SCFD2: variants seen among roughly 807,000 people sequenced by gnomAD.
The protein encoded by SCFD2 is sec1 family domain containing 2.
SCFD2 carries 54 observed loss-of-function variants against 58.9 expected under a neutral mutation model. The ratio of observed to expected loss-of-function variants is 0.92; its 90% confidence interval spans 0.74 to 1.15. The LOEUF is 1.15. SCFD2 is among the 50% of genes most tolerant of loss of function. The pLI is 0.00. For missense variants in SCFD2, 805 were observed against 836.6 expected, an observed-to-expected ratio of 0.96 and a Z score of 0.47; for synonymous variants, 321 against 335.9, an observed-to-expected ratio of 0.96 and a Z score of 0.49.
intron 5 of SCFD2, among the ~76,000 whole-genome samples, chr4:53,081,651 T>G (rs1724149553): frequency 6.6e-6 from 1 of 152,202 alleles, no homozygotes; most frequent in African/African-American, 2.4e-5. Flanking sequence ...AGGTTCTCTG[T>G]GTTGATTCTT....
At chr4:53,153,296 G>C (rs753340793) in intron 4 of SCFD2, among the ~76,000 whole-genome samples, 1 of 152,198 alleles carries the variant, frequency 6.6e-6, no homozygotes, top group Non-Finnish European at 1.5e-5. Flanking sequence ...AATCTAGGGG[G>C]AAGCTGCCAA....
chr4:53,237,637 C>T (rs1577878316), intron 4 of SCFD2, among the ~76,000 whole-genome samples: 37 of 113,292 alleles, frequency 3.3e-4, no homozygotes, highest in Admixed American at 8.4e-4. Flanking sequence ...GCTGGCCGGG[C>T]GGGGGGCTGA....
chr4:52,961,598 T>G (rs1250287838), intron 5 of SCFD2, among the ~76,000 whole-genome samples: 1 of 152,012 alleles, frequency 6.6e-6, no homozygotes, highest in Non-Finnish European at 1.5e-5. Flanking sequence ...GCTGAAACAG[T>G]GAGGTGTGGC....
intron 5 of SCFD2, among the ~76,000 whole-genome samples, chr4:53,021,102 C>T (rs1722338618): frequency 6.6e-6 from 1 of 152,126 alleles, no homozygotes; most frequent in South Asian, 2.1e-4. Flanking sequence ...TGACAATATA[C>T]TAATAATGTG....
chr4:53,251,884 A>G (rs36184966), intron 4 of SCFD2, among the ~76,000 whole-genome samples: 146,153 of 149,660 alleles, frequency 0.98, 71,471 homozygotes, highest in Middle Eastern at 1. Context: ...TTCTGGCCAG[A>G]GCAATTAGGC....
chr4:52,887,796 G>T (rs1227604236), intron 7 of SCFD2, among the ~76,000 whole-genome samples: 2 of 152,076 alleles, frequency 1.3e-5, no homozygotes, highest in African/African-American at 4.8e-5. Context: ...GGGAGGAGCA[G>T]GTCAAGAGGA....
chr4:53,297,366 C>T (rs1354024758), intron 3 of SCFD2, among the ~76,000 whole-genome samples: 5 of 152,156 alleles, frequency 3.3e-5, no homozygotes, highest in African/African-American at 1.2e-4. Context: ...CTTCTTGTTG[C>T]AGTGATCCCT....
At chr4:53,226,712 G>T (rs1051748479) in intron 4 of SCFD2, among the ~76,000 whole-genome samples, 1 of 152,060 alleles carries the variant, frequency 6.6e-6, no homozygotes, top group Non-Finnish European at 1.5e-5. Flanking sequence ...ATTTAAATTA[G>T]GGTGATCAGT....
chr4:53,053,098 G>A (rs566689677), intron 5 of SCFD2, among the ~76,000 whole-genome samples: 4 of 152,094 alleles, frequency 2.6e-5, no homozygotes, highest in African/African-American at 4.8e-5. Flanking sequence ...GATGGCACAC[G>A]CTTGTAATCC....
intron 5 of SCFD2, among the ~76,000 whole-genome samples, chr4:53,051,716 G>A (rs1373916745): frequency 6.6e-6 from 1 of 152,162 alleles, no homozygotes; most frequent in East Asian, 1.9e-4. Flanking sequence ...TAGCAATGCT[G>A]TCACTCATTG....
At chr4:53,270,590 C>T (rs1240104613) in intron 4 of SCFD2, among the ~76,000 whole-genome samples, 1 of 152,122 alleles carries the variant, frequency 6.6e-6, no homozygotes, top group Admixed American at 6.5e-5. Context: ...TTCTTGCCCA[C>T]ACAGAAGGCC....
intron 4 of SCFD2, among the ~76,000 whole-genome samples, chr4:53,154,177 G>A (rs1726594312): frequency 6.6e-6 from 1 of 152,078 alleles, no homozygotes; most frequent in African/African-American, 2.4e-5. Flanking sequence ...GTGTTTGTTT[G>A]CATTGCTATA....
At chr4:53,246,636 C>T (rs1288015889) in intron 4 of SCFD2, among the ~76,000 whole-genome samples, 1 of 152,082 alleles carries the variant, frequency 6.6e-6, no homozygotes, top group Non-Finnish European at 1.5e-5. Flanking sequence ...GAATAACTGG[C>T]TAGCAGAAGA....
Position 53,365,238 on chromosome 4 carries a change from T to C in SCFD2, c.704A>G (p.Glu235Gly), listed in dbSNP as rs751555898. The stretch of plus-strand genomic sequence containing the variant: ...ACTTAAGGAACCTACAGCAAAACAC[T>C]CCTCCCGTACTCCTAAATGTTCACA... The part of the protein sequence containing the change: ...SLCEHLGVRE[E>G]CFAVGSLSQV... Residue 235 changes from glutamate (E) to glycine (G), a missense_variant, in exon 1 of 9, where the codon GAG becomes GGG. Glu to Gly is a moderately conservative substitution (Grantham distance 98, BLOSUM62 -2). Transcript: ENST00000401642. The surrounding 1 kb of genome is among the most constrained non-coding windows in gnomAD (Gnocchi z 4.3). 1 of 1,613,982 alleles carries C rather than the reference T, an allele frequency of 6.2e-7. No individual in the cohort carries two copies. Among genetic ancestry groups the C allele is most frequent in the African/African-American group, 1.3e-5 (1 of 74,908 alleles).
At position 53,145,519 on chromosome 4, in the gene SCFD2, T is replaced by A; in HGVS notation, c.1375A>T (p.Thr459Ser). 6.2e-7 allele frequency: 1 copy of A among 1,614,112 alleles called. No homozygotes were observed. The highest frequency in any genetic ancestry group is 8.5e-7 in the Non-Finnish European group (1 of 1,179,970). ...CTGTAGTCCTCGTTGGTTCTCTGGG[T>A]TACAGGCTTAATCATGGGCAGCAGC... ...NQLLPMIKPV[T>S]QRTNEDYSPE... Residue 459 changes from threonine (T) to serine (S), a missense_variant, in exon 5 of 9, where the codon ACC (threonine) becomes TCC (serine). By Grantham distance (58) the Thr-to-Ser change is moderately conservative (BLOSUM62 1). Coordinates refer to ENST00000401642, the MANE Select transcript of SCFD2 (RefSeq NM_152540.4).
rs1457156504 is a variant in SCFD2 at position 52,898,313 on chromosome 4, C to A, written c.1842+9144G>T. Among the ~76,000 whole-genome samples the A allele has an allele frequency of 3.9e-5, 6 of 152,364 alleles. No homozygotes were observed. The South Asian group carries it at 6.2e-4, about 16-fold the overall frequency. On this transcript the variant is annotated intron_variant, in intron 7 of 8. Transcript: ENST00000401642. ...TTAGTGCTATAAATTTTCCTCTACA[C>A]ACTGCTTTGAATGTGTCCCAGAGAT... is the stretch of plus-strand genomic sequence containing the variant.
In SCFD2 at chr4:53,246,201, C is replaced by A. The variant is rs576455852; in HGVS notation, c.1311+27625G>T. The stretch of plus-strand genomic sequence containing the variant: ...CTGCTCAAAAAAATCAGAGATGGCA[C>A]TACAAAATAAAAAAAATTTCATGCT... On this transcript the variant is annotated intron_variant, in intron 4 of 8. Transcript: ENST00000401642. Among the ~76,000 whole-genome samples, 356 of 152,146 alleles carry A rather than the reference C, an allele frequency of 2.3e-3. 3 individuals carry two copies. Among genetic ancestry groups the A allele is most frequent in the Non-Finnish European group, 4.0e-3 (273 of 67,980 alleles).
intron 4 of SCFD2, among the ~76,000 whole-genome samples, chr4:53,186,461 G>A (rs917350301): frequency 6.6e-6 from 1 of 151,914 alleles, no homozygotes; most frequent in African/African-American, 2.4e-5. Flanking sequence ...AACATGTCCA[G>A]AAAATGTTTG....
intron 2 of SCFD2, among the ~76,000 whole-genome samples, chr4:53,331,391 A>G (rs1332781079): frequency 3.9e-5 from 6 of 152,222 alleles, no homozygotes; most frequent in Non-Finnish European, 5.9e-5. Context: ...ATTATAATGA[A>G]CTATCTCTCA....
Sources: gnomAD v4.1 joint callset for allele counts (sites outside exome capture counted in the v4.1 genomes callset) on GRCh38, gnomAD v4.1.1 for gene constraint, Gnocchi (gnomAD v3.1) non-coding constraint, MANE v1.5 for transcripts, NCBI Gene and HGNC (gene_info 2026-07-23, HGNC 2026-07-21) for gene names.